The following GNAS variants were observed in gnomAD, a reference collection of about 807,000 sequenced individuals.
GNAS encodes the protein protein ALEX.
In GNAS, 8 loss-of-function variants were observed where a neutral mutation model predicts 54.5. The observed-to-expected ratio is 0.15, with a 90% CI of 0.09 to 0.26. The LOEUF (loss-of-function observed/expected upper bound fraction) is 0.26, where lower values mean the gene tolerates loss of function less well. GNAS is among the 10% of genes least tolerant of loss of function. The probability of loss-of-function intolerance (pLI) is 1.00; values close to 1 mark genes in which losing one functional copy is unlikely to be tolerated. For missense variants in GNAS, 170 were observed against 529.8 expected (o/e 0.32, Z 6.67); for synonymous variants, 204 against 191.4 (o/e 1.07, Z -0.54).
rs2086516324 is a variant in GNAS, at chr20:58,856,438, CAA to C, written c.43+15554_43+15555del. ...GCCCGAGGTAAGCCAATCATTTTTA[CAA>C]AGAGTACAGTAGGAGGGGCTTGGTT... On this transcript the variant is annotated intron_variant, in intron 1 of 12. Transcript: ENST00000306090. The surrounding 1 kb of genome is among the most constrained non-coding windows in gnomAD (Gnocchi z 4.2). 1 of 152,592 alleles carries C rather than the reference CAA, an allele frequency of 6.6e-6. No homozygotes were observed. Among genetic ancestry groups the C allele is most frequent in the South Asian group, 2.1e-4 (1 of 4,824 alleles). The allele number at this position is 152,592 out of a possible 1,614,324, so 9.5% of individuals were successfully genotyped here.
chr20:58,888,958 C>G (rs1378604042), upstream of GNAS: 1 of 483,748 alleles, frequency 2.1e-6, no homozygotes, highest in Non-Finnish European at 2.7e-6. Context: ...GCCCGCGCCC[C>G]CCGCCATCGC....
chr20:58,885,998 AG>A (rs2088565397), intron 1 of GNAS, among the ~76,000 whole-genome samples: 1 of 152,248 alleles, frequency 6.6e-6, no homozygotes, highest in Non-Finnish European at 1.5e-5. Flanking sequence ...AACTAATGAA[AG>A]GCCAAGGATA....
At chr20:58,855,951 G>T (rs1232360414) in intron 1 of GNAS, 1 of 356,130 alleles carries the variant, frequency 2.8e-6, no homozygotes, top group Non-Finnish European at 5.1e-6. Context: ...AAAAACTTTC[G>T]CTGTTCGCAC....
Position 58,841,781 on chromosome 20 carries a change from G to T in GNAS, c.43+895G>T, listed in dbSNP as rs1352805802. 4.9e-5 allele frequency: 60 copies of T among 1,230,372 alleles called. No individual in the cohort carries two copies. Among genetic ancestry groups the T allele is most frequent in the Non-Finnish European group, 5.6e-5 (55 of 987,704 alleles). 76.2% of individuals were successfully genotyped at this position (1,230,372 alleles called of 1,614,324 possible). ...TATTGCCAAGCTTTTGGCGCAGCTG[G>T]TCGGGTGGCCAGGCTGCATGCGGCT... On this transcript the variant is annotated intron_variant, in intron 1 of 12. Transcript: ENST00000306090. This position sits in a 1 kb window ranked among gnomAD's most constrained non-coding sequence, Gnocchi z 5.0.
At chr20:58,876,223 C>G (rs990646572) in intron 1 of GNAS, among the ~76,000 whole-genome samples, 5 of 152,190 alleles carry the variant, frequency 3.3e-5, no homozygotes, top group Non-Finnish European at 7.3e-5. Flanking sequence ...GATGCGTGAT[C>G]TTTAGGAAAA....
At position 58,891,910 on chromosome 20, in the gene GNAS, A is replaced by T. The variant is rs1360080372; in HGVS notation, c.139+45A>T. On this transcript the variant is annotated intron_variant, in intron 1 of 12. Transcript: ENST00000371085. The stretch of plus-strand genomic sequence containing the variant: ...GCCGGCCCCGGCCCGGGGGCCCTCG[A>T]AGGGCGCCCCGCAGGCCGCGCGCGC... 1.3e-4 allele frequency: 127 copies of T among 971,210 alleles called. 1 individual carries two copies. Among genetic ancestry groups the T allele is most frequent in the Non-Finnish European group, 1.5e-4 (125 of 813,488 alleles). 60.2% of individuals were successfully genotyped at this position (971,210 alleles called of 1,614,324 possible).
intron 1 of GNAS, 25 bp from the exon 2 acceptor site, chr20:58,895,587 C>T (rs377759213): frequency 7.4e-6 from 11 of 1,479,220 alleles, no homozygotes; most frequent in Admixed American, 6.7e-5. Flanking sequence ...TCCTTCATAA[C>T]CTGAGACTTA....
At chr20:58,854,963 T>C (rs1181988054) in intron 1 of GNAS, 1 of 1,611,332 alleles carries the variant, frequency 6.2e-7, no homozygotes, top group Non-Finnish European at 8.5e-7. Context: ...TGTACTACGA[T>C]GAAGGGGTGG....
chr20:58,847,582 T>G (rs971011313), intron 1 of GNAS, among the ~76,000 whole-genome samples: 1 of 152,206 alleles, frequency 6.6e-6, no homozygotes, highest in Non-Finnish European at 1.5e-5. Flanking sequence ...TTTTACTTTT[T>G]CCTCAATTGA....
chr20:58,891,784 C>A lies in GNAS; in HGVS notation c.58C>A (p.Arg20Ser). 7.8e-7 allele frequency: 1 copy of A among 1,284,622 alleles called. No homozygotes were observed. Among genetic ancestry groups the A allele is most frequent in the Non-Finnish European group, 1.0e-6 (1 of 975,696 alleles). The allele number at this position is 1,284,622 out of a possible 1,614,324, so 79.6% of individuals were successfully genotyped here. The change falls in exon 1 of 13, where the codon CGT (arginine) becomes AGT (serine). Residue 20 changes from arginine (R) to serine (S), a missense_variant. This residue lies in a region of GNAS where 56 missense variants were observed against 55.7 expected (regional missense o/e 1.01). Coordinates refer to ENST00000371085, the MANE Select transcript of GNAS (RefSeq NM_000516.7). ...CCAGCGCAACGAGGAGAAGGCGCAGCGTGAGGCCAACAAAAAGATCGAGAA... is the reference window on the plus strand; with the variant it reads ...CCAGCGCAACGAGGAGAAGGCGCAGAGTGAGGCCAACAAAAAGATCGAGAA... ...EDQRNEEKAQ[R>S]EANKKIEKQL...
Position 58,891,421 on chromosome 20 carries a change from A to AGCAGCTCCC in GNAS, c.-297_-289dup, listed in dbSNP as rs983939837. The AGCAGCTCCC allele has an allele frequency of 7.4e-5, 27 of 364,590 alleles. No homozygotes were observed. Among genetic ancestry groups the AGCAGCTCCC allele is most frequent in the East Asian group, 4.0e-4 (2 of 5,036 alleles). 22.6% of individuals were successfully genotyped at this position (364,590 alleles called of 1,614,324 possible). On this transcript the variant is annotated 5_prime_UTR_variant, in exon 1 of 13. Coordinates refer to ENST00000371085, the MANE Select transcript of GNAS (RefSeq NM_000516.7). ...GAGCGGCGGCGGCGGCAGCGGCGGC[A>AGCAGCTCCC]GCAGCTCCCGCAGCTCCTGCTCTGG...
intron 2 of GNAS, chr20:58,897,659 T>A (rs1325325082): frequency 6.6e-6 from 1 of 152,206 alleles, no homozygotes; most frequent in African/African-American, 2.4e-5. Context: ...ACTTCTCTTT[T>A]CTGTTTTCTT....
chr20:58,903,883 A>G (rs2090864450), intron 5 of GNAS, 92 bp downstream of exon 5: 1 of 1,382,480 alleles, frequency 7.2e-7, no homozygotes, highest in Non-Finnish European at 1.0e-6. Flanking sequence ...GCACATGGGC[A>G]GGAGCATCCA....
chr20:58,879,559 G>A (rs2088080739), intron 1 of GNAS, among the ~76,000 whole-genome samples: 2 of 152,312 alleles, frequency 1.3e-5, no homozygotes, highest in South Asian at 4.1e-4. Flanking sequence ...GAATATTTGA[G>A]AGGATCAGCT....
intron 1 of GNAS, chr20:58,850,899 C>A: frequency 5.0e-6 from 2 of 398,748 alleles, no homozygotes; most frequent in Non-Finnish European, 8.8e-6. Context: ...ACGCGGCGCC[C>A]CCTATTGGAC....
At chr20:58,870,661 G>A (rs753899590) in intron 1 of GNAS, among the ~76,000 whole-genome samples, 1 of 152,190 alleles carries the variant, frequency 6.6e-6, no homozygotes, top group Non-Finnish European at 1.5e-5. Context: ...CTTTTCTCAG[G>A]GGAGGGGTGG....
In GNAS at chr20:58,853,893, G is replaced by C. The variant is rs61749696; in HGVS notation, c.43+13007G>C. 4,199 of 1,601,382 alleles carry C rather than the reference G, an allele frequency of 2.6e-3. 10 individuals carry two copies. The highest frequency in any genetic ancestry group is 3.3e-3 in the Non-Finnish European group (3,900 of 1,174,482). On this transcript the variant is annotated intron_variant, in intron 1 of 12. Transcript: ENST00000306090. The surrounding 1 kb of genome is among the most constrained non-coding windows in gnomAD (Gnocchi z 4.4). ...GCCCCAAGCCCTCAGGCCTGCAAAG[G>C]CTGGCTCCAGAGGAGGCTACAGCCC... is the stretch of plus-strand genomic sequence containing the variant.
rs1177262675 is a variant in GNAS, at chr20:58,841,097, G to A, written c.43+211G>A. Among the ~76,000 whole-genome samples the A allele has an allele frequency of 1.3e-5, 2 of 152,110 alleles. No homozygotes were observed. Among genetic ancestry groups the A allele is most frequent in the South Asian group, 2.1e-4 (1 of 4,828 alleles). On this transcript the variant is annotated intron_variant, in intron 1 of 12. Transcript: ENST00000306090. The surrounding 1 kb of genome is among the most constrained non-coding windows in gnomAD (Gnocchi z 5.0). ...GCGCCCTGGTGGCCAAAGGCTTGTT[G>A]GACGGCGGGGCGCACGCCGTGCGTC...
chr20:58,846,650 C>T (rs976266893), intron 1 of GNAS, among the ~76,000 whole-genome samples: 11 of 152,200 alleles, frequency 7.2e-5, no homozygotes, highest in African/African-American at 1.2e-4. Flanking sequence ...GGCCAAAGAC[C>T]GGCAGCCAGC....
Sources: gnomAD v4.1 joint callset for allele counts (sites outside exome capture counted in the v4.1 genomes callset) on GRCh38, gnomAD v4.1.1 for gene constraint, gnomAD v4.1.1 regional missense constraint, Gnocchi (gnomAD v3.1) non-coding constraint, MANE v1.5 for transcripts, NCBI Gene and HGNC (gene_info 2026-07-23, HGNC 2026-07-21) for gene names.